Variants in SPOCK3 observed in about 807,000 individuals in gnomAD.
The protein encoded by SPOCK3 is testican-3.
A neutral mutation model predicts 56.6 loss-of-function variants in SPOCK3; 30 were observed. The observed-to-expected ratio is 0.53, with a 90% CI of 0.40 to 0.72. The LOEUF is 0.72. Ranked by LOEUF, SPOCK3 falls within the 30% of genes least tolerant of loss-of-function variation. The pLI is 0.00. For missense variants in SPOCK3, 527 were observed against 530.0 expected, an observed-to-expected ratio of 0.99 and a Z score of 0.06; for synonymous variants, 196 against 183.3, an observed-to-expected ratio of 1.07 and a Z score of -0.56.
At chr4:166,749,070 G>A (rs1444307263) in intron 8 of SPOCK3, among the ~76,000 whole-genome samples, 3 of 137,062 alleles carry the variant, frequency 2.2e-5, no homozygotes, top group Admixed American at 1.4e-4. Flanking sequence ...ATTGTGGAAG[G>A]CAGTGTGGTG....
At chr4:167,127,362 T>A (rs1270140336) in intron 2 of SPOCK3, among the ~76,000 whole-genome samples, 3 of 152,104 alleles carry the variant, frequency 2.0e-5, no homozygotes, top group African/African-American at 7.2e-5. Flanking sequence ...AAAAAACTAC[T>A]TTTTTATATT....
At chr4:166,848,712 G>C (rs1748360468) in intron 6 of SPOCK3, among the ~76,000 whole-genome samples, 1 of 152,166 alleles carries the variant, frequency 6.6e-6, no homozygotes, top group Non-Finnish European at 1.5e-5. Context: ...GCTTGTGCAG[G>C]TGATCACTGA....
intron 7 of SPOCK3, among the ~76,000 whole-genome samples, chr4:166,766,465 G>C (rs1341637628): frequency 6.6e-6 from 1 of 152,074 alleles, no homozygotes; most frequent in Admixed American, 6.6e-5. Flanking sequence ...TTTGTCTTTG[G>C]TTCTGTTTAT....
At chr4:166,861,716 C>G (rs1328255250) in intron 6 of SPOCK3, among the ~76,000 whole-genome samples, 1 of 151,996 alleles carries the variant, frequency 6.6e-6, no homozygotes, top group Non-Finnish European at 1.5e-5. Flanking sequence ...TACTGGGGTT[C>G]CTAAGAGCCT....
At chr4:167,146,472 C>G (rs996528658) in intron 2 of SPOCK3, among the ~76,000 whole-genome samples, 1 of 152,116 alleles carries the variant, frequency 6.6e-6, no homozygotes, top group Non-Finnish European at 1.5e-5. Context: ...TAATAGACAT[C>G]TACAGAACTC....
chr4:167,102,973 G>A (rs1759792545), intron 2 of SPOCK3, among the ~76,000 whole-genome samples: 1 of 148,410 alleles, frequency 6.7e-6, no homozygotes, highest in African/African-American at 2.5e-5. Flanking sequence ...TGCTTGAGGG[G>A]AAAAGGGGGA....
At chr4:167,095,867 C>A (rs2150316576) in intron 2 of SPOCK3, among the ~76,000 whole-genome samples, 1 of 151,518 alleles carries the variant, frequency 6.6e-6, no homozygotes, top group South Asian at 2.1e-4. Flanking sequence ...TTAGTAAATG[C>A]AATGAAATAA....
Position 166,889,062 on chromosome 4 carries a change from C to T in SPOCK3, c.589+68G>A, listed in dbSNP as rs1396409319. 4.9e-5 allele frequency: 45 copies of T among 923,780 alleles called. 1 individual carries two copies. Among genetic ancestry groups the T allele is most frequent in the Non-Finnish European group, 3.4e-5 (19 of 566,278 alleles). 57.2% of individuals were successfully genotyped at this position (923,780 alleles called of 1,614,324 possible). ...AACTTCATTGTGTATTTAATGACAA[C>T]ATCTATTGCAAAACATTTTAGTAGA... On this transcript the variant is annotated intron_variant, in intron 6 of 10. Coordinates refer to ENST00000357545, the MANE Select transcript of SPOCK3 (RefSeq NM_001040159.2).
chr4:166,891,303 G>A (rs1004235487), intron 5 of SPOCK3, among the ~76,000 whole-genome samples: 24 of 151,908 alleles, frequency 1.6e-4, no homozygotes, highest in African/African-American at 4.8e-4. Flanking sequence ...GGCTCCAATC[G>A]ACAAATGCAC....
Position 167,233,912 on chromosome 4 carries a change from C to T in SPOCK3, c.189+73G>A, listed in dbSNP as rs545249752. Reference sequence around the variant, plus strand: ...GAAAACGGAGCCCACTCCCCACCCACATCCGGCGGCCGCGGCCCCCGCCTC... The same window carrying T: ...GAAAACGGAGCCCACTCCCCACCCATATCCGGCGGCCGCGGCCCCCGCCTC... On this transcript the variant is annotated intron_variant, in intron 2 of 10. Coordinates refer to ENST00000357545, the MANE Select transcript of SPOCK3 (RefSeq NM_001040159.2). The T allele has an allele frequency of 9.6e-6, 13 of 1,357,344 alleles. No homozygotes were observed. The Admixed American group carries it at 1.2e-4, about 13-fold the overall frequency. The allele number at this position is 1,357,344 out of a possible 1,614,324, so 84.1% of individuals were successfully genotyped here.
At chr4:166,844,615 C>A (rs1560923033) in intron 6 of SPOCK3, among the ~76,000 whole-genome samples, 1 of 137,950 alleles carries the variant, frequency 7.2e-6, no homozygotes, top group Non-Finnish European at 1.7e-5. Context: ...GGATGTCTTG[C>A]CTGCCAGTGT....
intron 7 of SPOCK3, among the ~76,000 whole-genome samples, chr4:166,769,953 G>A (rs895143284): frequency 2.6e-5 from 4 of 152,142 alleles, no homozygotes; most frequent in South Asian, 2.1e-4. Flanking sequence ...TGCTAGTAAC[G>A]AGTGAGGCTT....
chr4:166,879,516 G>A (rs1222969176), intron 6 of SPOCK3, among the ~76,000 whole-genome samples: 5 of 152,120 alleles, frequency 3.3e-5, no homozygotes, highest in African/African-American at 7.2e-5. Context: ...AAAAAAAAGT[G>A]TAAGATTTAA....
rs530014750 is a variant in SPOCK3, at chr4:166,800,937, T to C, written c.590-8648A>G. Among the ~76,000 whole-genome samples the C allele has an allele frequency of 3.3e-5, 5 of 152,284 alleles. No individual in the cohort carries two copies. In the South Asian group the frequency reaches 1.0e-3, roughly 32 times the overall value. On this transcript the variant is annotated intron_variant, in intron 6 of 10. Transcript: ENST00000357545. ...TCATGGTAAACGTCCTATATACATG[T>C]ATCATTTTTAATCTTTTATACCATA...
At chr4:167,119,953 T>C (rs1199479595) in intron 2 of SPOCK3, 2 of 890,364 alleles carry the variant, frequency 2.2e-6, no homozygotes, top group African/African-American at 1.7e-5. Flanking sequence ...CTGATGAAAA[T>C]AGCTACATTT....
chr4:166,821,289 T>A (rs904338721), intron 6 of SPOCK3, among the ~76,000 whole-genome samples: 1 of 152,050 alleles, frequency 6.6e-6, no homozygotes, highest in Non-Finnish European at 1.5e-5. Context: ...CTACAATTTG[T>A]TACGGAGCAT....
At chr4:167,062,928 A>T (rs1016256202) in intron 2 of SPOCK3, among the ~76,000 whole-genome samples, 1 of 151,906 alleles carries the variant, frequency 6.6e-6, no homozygotes, top group African/African-American at 2.4e-5. Context: ...GCTATAAAGT[A>T]TCTTACCAGT....
intron 3 of SPOCK3, among the ~76,000 whole-genome samples, chr4:167,056,985 C>G (rs1754954236): frequency 6.6e-6 from 1 of 152,046 alleles, no homozygotes; most frequent in South Asian, 2.1e-4. Context: ...ACATAATTGT[C>G]AGGTTCACCA....
chr4:166,834,351 G>A (rs1746394395), intron 6 of SPOCK3, among the ~76,000 whole-genome samples: 1 of 152,174 alleles, frequency 6.6e-6, no homozygotes, highest in Non-Finnish European at 1.5e-5. Flanking sequence ...TGCCAAATCT[G>A]AAACAGCCCT....
Sources: gnomAD v4.1 joint callset for allele counts (sites outside exome capture counted in the v4.1 genomes callset) on GRCh38, gnomAD v4.1.1 for gene constraint, MANE v1.5 for transcripts, NCBI Gene and HGNC (gene_info 2026-07-23, HGNC 2026-07-21) for gene names.